ERAP1: variants seen among roughly 807,000 people sequenced by gnomAD.
The protein encoded by ERAP1 is endoplasmic reticulum aminopeptidase 1.
Under a neutral mutation model 103.7 loss-of-function variants are expected in ERAP1, and 86 were observed. The ratio of observed to expected loss-of-function variants is 0.83; its 90% CI spans 0.70 to 0.99. The LOEUF (loss-of-function observed/expected upper bound fraction) is 0.99, where lower values mean the gene tolerates loss of function less well. ERAP1 is among the 50% of genes least tolerant of loss of function. The probability of loss-of-function intolerance (pLI) is 0.00; values close to 1 mark genes in which losing one functional copy is unlikely to be tolerated. For missense variants in ERAP1, 1,009 were observed against 1,128.4 expected, an observed-to-expected ratio of 0.89 and a Z score of 1.52; for synonymous variants, 398 against 402.4, an observed-to-expected ratio of 0.99 and a Z score of 0.13.
intron 8 of ERAP1, among the ~76,000 whole-genome samples, chr5:96,791,342 C>G (rs1050350809): frequency 3.3e-5 from 5 of 152,162 alleles, no homozygotes; most frequent in African/African-American, 1.2e-4. Context: ...TCTTTTTCCC[C>G]TGGACTTTCA....
the ERAP1 span, chr5:96,873,506 G>A: frequency 2.2e-6 from 1 of 455,150 alleles, no homozygotes; most frequent in Admixed American, 2.4e-5. Flanking sequence ...TCTTGGGGCT[G>A]GCATTTACCT....
chr5:96,811,935 G>A (rs1779179516), upstream of ERAP1, among the ~76,000 whole-genome samples: 1 of 152,194 alleles, frequency 6.6e-6, no homozygotes, highest in Non-Finnish European at 1.5e-5. Flanking sequence ...TTCCTCAGTA[G>A]GTGACAGGCC....
At chr5:96,877,977 A>C in the ERAP1 span, among the ~76,000 whole-genome samples, 2 of 152,232 alleles carry the variant, frequency 1.3e-5, no homozygotes, top group Non-Finnish European at 2.9e-5. Flanking sequence ...TAAGGATTAT[A>C]AAAAGAAGAA....
At position 96,797,041 on chromosome 5, in the gene ERAP1, A is replaced by T. The variant is rs1777418786; in HGVS notation, c.798+134T>A. The stretch of plus-strand genomic sequence containing the variant: ...TGGCCTCAAGTGATTCTTCCACCTC[A>T]GCCTCCCAAACTGTTGGGTTTATGT... On this transcript the variant is annotated intron_variant, in intron 4 of 18. Coordinates refer to ENST00000443439, the MANE Select transcript of ERAP1 (RefSeq NM_001040458.3). 4 of 998,180 alleles carry T rather than the reference A, an allele frequency of 4.0e-6. No individual in the cohort carries two copies. In the Admixed American group the frequency reaches 8.0e-5, roughly 20 times the overall value. The allele number at this position is 998,180 out of a possible 1,614,324, so 61.8% of individuals were successfully genotyped here.
At chr5:96,883,940 C>T in the ERAP1 span, 3 of 1,555,176 alleles carry the variant, frequency 1.9e-6, no homozygotes, top group African/African-American at 2.8e-5. Flanking sequence ...GGTATGTCCA[C>T]TTCCAGAAAC....
chr5:96,911,023 TTATTA>T, the ERAP1 span, among the ~76,000 whole-genome samples: 2 of 152,230 alleles, frequency 1.3e-5, no homozygotes, highest in African/African-American at 2.4e-5. Flanking sequence ...TATTTGATCT[TTATTA>T]TATTATTCAA....
the ERAP1 span, among the ~76,000 whole-genome samples, chr5:96,837,083 T>C: frequency 6.6e-6 from 1 of 152,208 alleles, no homozygotes; most frequent in Non-Finnish European, 1.5e-5. Flanking sequence ...AAGGAGGAAC[T>C]TCTAACTATT....
the ERAP1 span, among the ~76,000 whole-genome samples, chr5:96,841,712 C>T: frequency 1.3e-5 from 2 of 151,160 alleles, no homozygotes; most frequent in East Asian, 1.9e-4. Context: ...TATTTTATTC[C>T]CTCCAGAAAC....
At chr5:96,769,781 T>C (rs1410577173), downstream of ERAP1, 3 of 151,308 alleles carry the variant, frequency 2.0e-5, no homozygotes, top group African/African-American at 4.9e-5. Flanking sequence ...TTCTCTGTGT[T>C]TTTGAGCTTT....
chr5:96,798,871 C>CTCTTTTT (rs1777658438), intron 3 of ERAP1, among the ~76,000 whole-genome samples: 1 of 124,878 alleles, frequency 8.0e-6, no homozygotes, highest in Non-Finnish European at 1.6e-5. Context: ...CAAAAATTTC[C>CTCTTTTT]TTTTTTTTTT....
At chr5:96,852,330 C>T in the ERAP1 span, among the ~76,000 whole-genome samples, 1 of 152,178 alleles carries the variant, frequency 6.6e-6, no homozygotes, top group Non-Finnish European at 1.5e-5. Flanking sequence ...CCTCTCCCAT[C>T]TGTGTGTAAT....
the ERAP1 span, among the ~76,000 whole-genome samples, chr5:96,843,130 G>A: frequency 2.6e-5 from 4 of 152,184 alleles, no homozygotes; most frequent in Non-Finnish European, 5.9e-5. Context: ...AGCAACAAGA[G>A]CAGAGATTTA....
At chr5:96,927,953 T>A in the ERAP1 span, among the ~76,000 whole-genome samples, 1 of 152,182 alleles carries the variant, frequency 6.6e-6, no homozygotes, top group African/African-American at 2.4e-5. Context: ...TTGCCCAGGC[T>A]GGAGTGCAGT....
the ERAP1 span, chr5:96,913,411 C>G: frequency 2.5e-6 from 4 of 1,613,734 alleles, no homozygotes; most frequent in Non-Finnish European, 3.4e-6. Context: ...GGGGCAGCAA[C>G]TAGCATGGGA....
chr5:96,765,770 C>T (rs907855316), intron 19 of ERAP1, among the ~76,000 whole-genome samples: 3 of 152,256 alleles, frequency 2.0e-5, no homozygotes, highest in African/African-American at 7.2e-5. Flanking sequence ...AATCTCCTAA[C>T]ATGGTTTCTG....
At chr5:96,819,646 G>A in the ERAP1 span, among the ~76,000 whole-genome samples, 3 of 152,138 alleles carry the variant, frequency 2.0e-5, no homozygotes, top group East Asian at 5.8e-4. Context: ...ACTTTTCCTA[G>A]GATTGTTTTT....
chr5:96,832,303 A>G, the ERAP1 span, among the ~76,000 whole-genome samples: 2 of 152,210 alleles, frequency 1.3e-5, no homozygotes, highest in Non-Finnish European at 1.5e-5. Flanking sequence ...AGGCAGTTAC[A>G]TTTGTTCCAA....
chr5:96,766,310 T>C (rs571080394), intron 19 of ERAP1, among the ~76,000 whole-genome samples: 1 of 152,354 alleles, frequency 6.6e-6, no homozygotes, highest in East Asian at 1.9e-4. Flanking sequence ...TAAATATTTA[T>C]TTGAGCCAAT....
the ERAP1 span, among the ~76,000 whole-genome samples, chr5:96,917,199 T>A: frequency 3.3e-5 from 5 of 151,826 alleles, no homozygotes; most frequent in African/African-American, 1.2e-4. Flanking sequence ...CTCCACCTGC[T>A]GGGTTCAAGC....
Sources: gnomAD v4.1 joint callset for allele counts (sites outside exome capture counted in the v4.1 genomes callset) on GRCh38, gnomAD v4.1.1 for gene constraint, MANE v1.5 for transcripts, NCBI Gene and HGNC (gene_info 2026-07-23, HGNC 2026-07-21) for gene names.